Variants in RIMBP2 observed in about 807,000 individuals in gnomAD.
The protein encoded by RIMBP2 is RIMS binding protein 2.
A neutral mutation model predicts 118.6 loss-of-function variants in RIMBP2; 48 were observed. The observed-to-expected ratio is 0.40, with a 90% CI of 0.32 to 0.51. RIMBP2 has a LOEUF of 0.51. Ranked by LOEUF, RIMBP2 falls within the 20% of genes least tolerant of loss-of-function variation. The pLI is 0.41. For missense variants in RIMBP2, 1,551 were observed against 1,768.3 expected, an observed-to-expected ratio of 0.88 and a Z score of 2.20; for synonymous variants, 762 against 742.9, an observed-to-expected ratio of 1.03 and a Z score of -0.42.
intron 2 of RIMBP2, among the ~76,000 whole-genome samples, chr12:130,571,323 C>G (rs1187738138): frequency 6.6e-6 from 1 of 152,084 alleles, no homozygotes; most frequent in Non-Finnish European, 1.5e-5. Flanking sequence ...AACTGCAACT[C>G]CCTGACACTA....
intron 2 of RIMBP2, among the ~76,000 whole-genome samples, chr12:130,585,215 C>G (rs1197486444): frequency 6.6e-6 from 1 of 152,110 alleles, no homozygotes; most frequent in Non-Finnish European, 1.5e-5. Context: ...TCATTGCTAC[C>G]ATTATAAGCC....
At chr12:130,415,862 A>G (rs964908123) in intron 17 of RIMBP2, among the ~76,000 whole-genome samples, 23 of 152,234 alleles carry the variant, frequency 1.5e-4, no homozygotes, top group Middle Eastern at 3.2e-3. Flanking sequence ...AAATTTCAGG[A>G]TACAAAATCA....
At chr12:130,644,766 A>G (rs11061050) in intron 1 of RIMBP2, among the ~76,000 whole-genome samples, 1 of 152,052 alleles carries the variant, frequency 6.6e-6, no homozygotes, top group Non-Finnish European at 1.5e-5. Flanking sequence ...TGCGTTACTT[A>G]GGTATGTCTG....
intron 2 of RIMBP2, among the ~76,000 whole-genome samples, chr12:130,597,568 T>C (rs2140387401): frequency 6.6e-6 from 1 of 152,272 alleles, no homozygotes; most frequent in African/African-American, 2.4e-5. Context: ...CCAAATAGAG[T>C]TTATCCTGGG....
chr12:130,498,721 C>G (rs1346324666), intron 4 of RIMBP2, among the ~76,000 whole-genome samples: 1 of 152,088 alleles, frequency 6.6e-6, no homozygotes, highest in African/African-American at 2.4e-5. Flanking sequence ...TGGCCTGCCC[C>G]CTCTCTTCCA....
At chr12:130,593,228 T>A (rs925836465) in intron 2 of RIMBP2, among the ~76,000 whole-genome samples, 1 of 152,324 alleles carries the variant, frequency 6.6e-6, no homozygotes. Context: ...CTAACTGTAG[T>A]GGCAGCCGCC....
Position 130,613,463 on chromosome 12 carries a change from G to C in RIMBP2, c.-217+14859C>G, listed in dbSNP as rs184958202. On this transcript the variant is annotated intron_variant, in intron 2 of 22. Coordinates refer to ENST00000690449, the MANE Select transcript of RIMBP2 (RefSeq NM_001393629.1). ...AGAGGACAGCACAGAAGGAGGTAGA[G>C]GGTGGATCTGGGAGGCAAGCAGGGA... is the stretch of plus-strand genomic sequence containing the variant. Among the ~76,000 whole-genome samples the C allele has an allele frequency of 4.2e-3, 638 of 152,316 alleles. 5 individuals are homozygous for C. The highest frequency in any genetic ancestry group is 0.015 in the African/African-American group (609 of 41,580).
intron 1 of RIMBP2, among the ~76,000 whole-genome samples, chr12:130,645,985 G>A (rs2062858015): frequency 6.6e-6 from 1 of 152,000 alleles, no homozygotes; most frequent in South Asian, 2.1e-4. Flanking sequence ...AAAAACCCAG[G>A]GAACAACACT....
chr12:130,409,408 TC>T (rs970288354), intron 19 of RIMBP2, among the ~76,000 whole-genome samples: 1 of 133,618 alleles, frequency 7.5e-6, no homozygotes, highest in Non-Finnish European at 1.6e-5. Context: ...AGTGGCGCGA[TC>T]CCGGCTCACT....
chr12:130,515,145 G>T (rs904226748), intron 3 of RIMBP2, among the ~76,000 whole-genome samples: 3 of 151,986 alleles, frequency 2.0e-5, no homozygotes. Context: ...CAAAGTGCTG[G>T]GATTACAGGA....
intron 2 of RIMBP2, among the ~76,000 whole-genome samples, chr12:130,583,228 G>A (rs537462210): frequency 8.5e-5 from 13 of 152,224 alleles, no homozygotes; most frequent in East Asian, 1.9e-4. Context: ...TAGTGCCTCC[G>A]CGCCCCCAGC....
intron 2 of RIMBP2, among the ~76,000 whole-genome samples, chr12:130,522,886 T>G (rs1311175754): frequency 6.6e-6 from 1 of 152,162 alleles, no homozygotes; most frequent in Non-Finnish European, 1.5e-5. Context: ...CATGAGGTCA[T>G]GAGATCCTAA....
intron 20 of RIMBP2, among the ~76,000 whole-genome samples, chr12:130,406,679 C>T (rs1321858350): frequency 6.6e-6 from 1 of 152,200 alleles, no homozygotes; most frequent in African/African-American, 2.4e-5. Context: ...CAGAATCTCA[C>T]TGTGTTGCCC....
At chr12:130,691,395 T>C (rs1367550545) in intron 1 of RIMBP2, among the ~76,000 whole-genome samples, 4 of 152,086 alleles carry the variant, frequency 2.6e-5, no homozygotes, top group Non-Finnish European at 5.9e-5. Context: ...ACAGGCTGCG[T>C]GTGGTGGCTC....
chr12:130,399,195 T>A (rs918492775), intron 22 of RIMBP2: 8 of 1,224,146 alleles, frequency 6.5e-6, no homozygotes, highest in African/African-American at 3.2e-5. Flanking sequence ...GAAATAAAAA[T>A]ATATATATAA....
At chr12:130,479,111 G>T (rs1057087425) in intron 4 of RIMBP2, 95 bp from the exon 5 acceptor site, 1 of 982,672 alleles carries the variant, frequency 1.0e-6, no homozygotes, top group African/African-American at 1.6e-5. Context: ...GACTCAGCCC[G>T]GTCACTCCAG....
At chr12:130,704,870 C>A (rs1057499102) in intron 1 of RIMBP2, among the ~76,000 whole-genome samples, 8 of 152,188 alleles carry the variant, frequency 5.3e-5, no homozygotes, top group Admixed American at 6.5e-5. Flanking sequence ...GGGCTAGCTG[C>A]TTCACCTGTC....
At position 130,419,492 on chromosome 12, in the gene RIMBP2, T is replaced by C. The variant is rs1593230058; in HGVS notation, c.3238+2961A>G. 6.6e-6 allele frequency: 1 copy of C among 152,254 alleles called. No individual in the cohort carries two copies. Among genetic ancestry groups the C allele is most frequent in the African/African-American group, 2.4e-5 (1 of 41,464 alleles). The allele number at this position is 152,254 out of a possible 1,614,324, so 9.4% of individuals were successfully genotyped here. A position where few individuals can be genotyped will look rare whatever the true frequency, so the allele number is the denominator to read the frequency against. ...CTGCTACTGTCCGTTGTAATTTCTA[T>C]GGAGATAAAGGGAATCATCTATTAA... is the stretch of plus-strand genomic sequence containing the variant. On this transcript the variant is annotated intron_variant, in intron 17 of 22. Coordinates refer to ENST00000690449, the MANE Select transcript of RIMBP2 (RefSeq NM_001393629.1). The surrounding 1 kb of genome is among the most constrained non-coding windows in gnomAD (Gnocchi z 4.3).
chr12:130,427,221 G>A (rs986908409), intron 15 of RIMBP2: 1 of 152,230 alleles, frequency 6.6e-6, no homozygotes, highest in African/African-American at 2.4e-5. Flanking sequence ...TGTTCCTGGA[G>A]AAAGCAGTGC....
Sources: gnomAD v4.1 joint callset for allele counts (sites outside exome capture counted in the v4.1 genomes callset) on GRCh38, gnomAD v4.1.1 for gene constraint, Gnocchi (gnomAD v3.1) non-coding constraint, MANE v1.5 for transcripts, NCBI Gene and HGNC (gene_info 2026-07-23, HGNC 2026-07-21) for gene names.